TSBP1: variants seen among roughly 807,000 people sequenced by gnomAD.
The protein encoded by TSBP1 is testis-expressed basic protein 1.
In TSBP1, 56 loss-of-function variants were observed where a neutral mutation model predicts 68.8. The ratio of observed to expected loss-of-function variants is 0.81; its 90% confidence interval spans 0.66 to 1.02. The LOEUF is 1.02. TSBP1 is among the 50% of genes least tolerant of loss of function. The pLI is 0.00. For missense variants in TSBP1, 502 were observed against 641.2 expected, an observed-to-expected ratio of 0.78 and a Z score of 2.34; for synonymous variants, 171 against 208.7, an observed-to-expected ratio of 0.82 and a Z score of 1.56.
At chr6:32,349,212 T>G (rs1771418754) in intron 9 of TSBP1, among the ~76,000 whole-genome samples, 1 of 127,440 alleles carries the variant, frequency 7.8e-6, no homozygotes, top group Admixed American at 7.4e-5. Context: ...TTTTTTTTTT[T>G]GCAGGGGACA....
In TSBP1 at chr6:32,314,845, CTTTGACAACTCTAGATGTGAA is replaced by C. The variant is rs6149517; in HGVS notation, c.580+906_580+926del. Among the ~76,000 whole-genome samples the C allele has an allele frequency of 0.33, 50,862 of 151,972 alleles. 9,612 individuals are homozygous for C. Among genetic ancestry groups the C allele is most frequent in the Middle Eastern group, 0.52 (153 of 294 alleles). On this transcript the variant is annotated intron_variant, in intron 19 of 22. Coordinates refer to ENST00000612031, the Ensembl canonical transcript of TSBP1. The surrounding 1 kb of genome is among the most constrained non-coding windows in gnomAD (Gnocchi z 4.2). Reference sequence around the variant, plus strand: ...CCTACTATCTGGATTAAGTGAGATGCTTTGACAACTCTAGATGTGAATTCTTGCATGAAGAGGTTGGCTGGA... The same window carrying C: ...CCTACTATCTGGATTAAGTGAGATGCTTCTTGCATGAAGAGGTTGGCTGGA...
In TSBP1 at chr6:32,314,662, G is replaced by T. The variant is rs1766762597; in HGVS notation, c.580+1110C>A. ...CATTTCTCTTCACTCAAATACCAAT[G>T]TCTTTGTCCTAACATTATTGAAATT... On this transcript the variant is annotated intron_variant, in intron 19 of 22. Transcript: ENST00000612031. The surrounding 1 kb of genome is among the most constrained non-coding windows in gnomAD (Gnocchi z 4.2). Among the ~76,000 whole-genome samples the T allele has an allele frequency of 6.6e-6, 1 of 152,158 alleles. No homozygotes were observed. The highest frequency in any genetic ancestry group is 2.4e-5 in the African/African-American group (1 of 41,422).
intron 22 of TSBP1, among the ~76,000 whole-genome samples, chr6:32,295,251 G>A (rs1355035460): frequency 2.0e-5 from 3 of 147,900 alleles, no homozygotes; most frequent in South Asian, 2.1e-4. Flanking sequence ...CAGGAGAATC[G>A]CTTGAACCCG....
rs564614330 is a variant in TSBP1, at chr6:32,334,761, C to T, written c.472+676G>A. 1.8e-4 allele frequency among the ~76,000 whole-genome samples: 27 copies of T among 152,282 alleles called. No homozygotes were observed. In the East Asian group the frequency reaches 5.2e-3, roughly 29 times the overall value. ...TTAGAAAGGAAAGGAAGGCCAGGCG[C>T]AGTGGCTCACGCCTGTAATCCCAAC... On this transcript the variant is annotated intron_variant, in intron 14 of 22. Coordinates refer to ENST00000612031, the Ensembl canonical transcript of TSBP1.
chr6:32,370,716 G>T (rs976810227), intron 1 of TSBP1, among the ~76,000 whole-genome samples: 1 of 151,950 alleles, frequency 6.6e-6, no homozygotes, highest in Non-Finnish European at 1.5e-5. Context: ...TGCTTAACTT[G>T]TGTTTGTTTA....
chr6:32,330,901 C>A (rs1424030178), intron 15 of TSBP1, among the ~76,000 whole-genome samples: 1 of 152,140 alleles, frequency 6.6e-6, no homozygotes, highest in Non-Finnish European at 1.5e-5. Context: ...GAACTCCTGA[C>A]CTCAGGTGAT....
Position 32,328,701 on chromosome 6 carries a change from G to A in TSBP1, c.514+1888C>T, listed in dbSNP as rs191095284. Among the ~76,000 whole-genome samples the A allele has an allele frequency of 4.6e-4, 70 of 152,182 alleles. 1 individual carries two copies. In the East Asian group the frequency reaches 9.1e-3, roughly 20 times the overall value. On this transcript the variant is annotated intron_variant, in intron 16 of 22. Coordinates refer to ENST00000612031, the Ensembl canonical transcript of TSBP1. ...CAAAGTGCTAGGATTACAGGCATGA[G>A]CCACCTTGCCTGGCCAAATTTTTGT...
chr6:32,344,850 G>A (rs1214820729), intron 9 of TSBP1, among the ~76,000 whole-genome samples: 1 of 148,522 alleles, frequency 6.7e-6, no homozygotes, highest in Non-Finnish European at 1.5e-5. Flanking sequence ...GAAGACCTTA[G>A]GTTTTTTTTT....
Position 32,306,578 on chromosome 6 carries a change from G to C in TSBP1, c.581-3949C>G, listed in dbSNP as rs1436549385. Among the ~76,000 whole-genome samples the C allele has an allele frequency of 6.6e-6, 1 of 152,168 alleles. No homozygotes were observed. The highest frequency in any genetic ancestry group is 1.5e-5 in the Non-Finnish European group (1 of 68,028). On this transcript the variant is annotated intron_variant, in intron 19 of 22. Coordinates refer to ENST00000612031, the Ensembl canonical transcript of TSBP1. The surrounding 1 kb of genome is among the most constrained non-coding windows in gnomAD (Gnocchi z 5.1). ...TGGGTTTGGTTACTTACATTTATGT[G>C]TATCAATATTGTAAAAATCAGCACT... is the stretch of plus-strand genomic sequence containing the variant.
intron 6 of TSBP1, among the ~76,000 whole-genome samples, chr6:32,358,794 T>A (rs1772645949): frequency 6.6e-6 from 1 of 152,166 alleles, no homozygotes; most frequent in African/African-American, 2.4e-5. Flanking sequence ...TGTGCCACAT[T>A]TTCTTAATCC....
chr6:32,332,028 G>C lies in TSBP1; in HGVS notation c.493+6C>G. ...AGAGATAAGTTGATATATACAGGCA[G>C]CTTACCAATAGGTCCTGGAGTTTGC... On this transcript the variant is annotated splice_donor_region_variant and intron_variant, in intron 15 of 22. Coordinates refer to ENST00000612031, the Ensembl canonical transcript of TSBP1. 2 of 1,595,262 alleles carry C rather than the reference G, an allele frequency of 1.3e-6. No individual in the cohort carries two copies. The highest frequency in any genetic ancestry group is 8.6e-7 in the Non-Finnish European group (1 of 1,163,974).
chr6:32,307,899 T>C (rs1304563379), intron 19 of TSBP1, among the ~76,000 whole-genome samples: 5 of 151,674 alleles, frequency 3.3e-5, no homozygotes, highest in Non-Finnish European at 7.4e-5. Flanking sequence ...CCTCAGCCTC[T>C]CAAGTAGCTG....
At chr6:32,347,165 ATTTT>A (rs9279590) in intron 9 of TSBP1, among the ~76,000 whole-genome samples, 17,747 of 144,396 alleles carry the variant, frequency 0.12, 1,236 homozygotes, top group Non-Finnish European at 0.17. Context: ...GCCCTCTTAG[ATTTT>A]TTTTTTTTTT....
At chr6:32,297,594 C>T (rs2127559085) in intron 22 of TSBP1, among the ~76,000 whole-genome samples, 1 of 152,218 alleles carries the variant, frequency 6.6e-6, no homozygotes. Context: ...AGGGATAAAT[C>T]ATTATAGTTC....
rs1769729825 is a variant in TSBP1, at chr6:32,336,783, A to G, written c.410-148T>C. ...GATGATCTTAGCCTGGAAGCTGCAT[A>G]ACCCTCCTACCAGATCAAATCATTC... is the stretch of plus-strand genomic sequence containing the variant. On this transcript the variant is annotated intron_variant, in intron 11 of 22. Coordinates refer to ENST00000612031, the Ensembl canonical transcript of TSBP1. This position sits in a 1 kb window ranked among gnomAD's most constrained non-coding sequence, Gnocchi z 5.2. The G allele has an allele frequency of 3.1e-6, 2 of 655,094 alleles. No homozygotes were observed. Among genetic ancestry groups the G allele is most frequent in the Non-Finnish European group, 5.5e-6 (2 of 366,202 alleles). The allele number at this position is 655,094 out of a possible 1,614,324, so 40.6% of individuals were successfully genotyped here. A position where few individuals can be genotyped will look rare whatever the true frequency, so the allele number is the denominator to read the frequency against.
At chr6:32,313,847 G>C (rs1477092362) in intron 19 of TSBP1, among the ~76,000 whole-genome samples, 2 of 152,162 alleles carry the variant, frequency 1.3e-5, no homozygotes, top group African/African-American at 4.8e-5. Context: ...TGTGTGGATG[G>C]CTTTGTTTTC....
At chr6:32,298,156 T>C (rs772609185) in intron 22 of TSBP1, among the ~76,000 whole-genome samples, 4 of 152,192 alleles carry the variant, frequency 2.6e-5, no homozygotes, top group Non-Finnish European at 5.9e-5. Flanking sequence ...CCCACCTTTT[T>C]TTTTTGTAAG....
At chr6:32,350,960 G>T (rs1266070967) in intron 8 of TSBP1, among the ~76,000 whole-genome samples, 1 of 152,144 alleles carries the variant, frequency 6.6e-6, no homozygotes, top group African/African-American at 2.4e-5. Flanking sequence ...AAACAGATTT[G>T]TTCCTAGAAC....
chr6:32,339,145 T>C (rs28732193), intron 10 of TSBP1, 146 bp from the exon 12 acceptor site: 23,792 of 706,020 alleles, frequency 0.034, 575 homozygotes, highest in African/African-American at 0.056. Flanking sequence ...CTTTTTTCCT[T>C]AGGAGACTGT....
Sources: allele counts gnomAD v4.1 joint callset (sites outside exome capture counted in the v4.1 genomes callset), GRCh38; gene constraint gnomAD v4.1.1; non-coding constraint Gnocchi (gnomAD v3.1); transcripts MANE v1.5; gene names NCBI Gene and HGNC (gene_info 2026-07-23, HGNC 2026-07-21).